SYNE2: variants seen among roughly 807,000 people sequenced by gnomAD.
SYNE2 encodes nesprin-2.
A neutral mutation model predicts 856.3 loss-of-function variants in SYNE2; 431 were observed. That is an observed-to-expected ratio of 0.50 (90% confidence interval 0.47 to 0.55). The LOEUF (loss-of-function observed/expected upper bound fraction) is 0.55, where lower values mean the gene tolerates loss of function less well. Ranked by LOEUF, SYNE2 falls within the 20% of genes least tolerant of loss-of-function variation. SYNE2 has a pLI of 0.00. For synonymous variants in SYNE2, 2,923 were observed against 2,872.3 expected, an observed-to-expected ratio of 1.02 and a Z score of -0.56; for missense variants, 8,129 against 8,023.2, an observed-to-expected ratio of 1.01 and a Z score of -0.50.
intron 94 of SYNE2, among the ~76,000 whole-genome samples, chr14:64,171,829 G>A (rs762169965): frequency 6.6e-6 from 1 of 152,172 alleles, no homozygotes; most frequent in Non-Finnish European, 1.5e-5. Flanking sequence ...AGCTGAGGGA[G>A]AGGGCAGCAT....
intron 34 of SYNE2, among the ~76,000 whole-genome samples, chr14:64,018,522 G>A (rs569023859): frequency 1.3e-5 from 2 of 152,286 alleles, no homozygotes; most frequent in Non-Finnish European, 2.9e-5. Flanking sequence ...GATTACAGGC[G>A]TGAGCCATCA....
In SYNE2 at chr14:64,002,943, T is replaced by C. The variant is rs752199065; in HGVS notation, c.4010T>C (p.Leu1337Pro). 2.5e-6 allele frequency: 4 copies of C among 1,614,146 alleles called. No homozygotes were observed. The highest frequency in any genetic ancestry group is 3.4e-6 in the Non-Finnish European group (4 of 1,180,024). Reference sequence around the variant, plus strand: ...TTGGCGTCTCTCAGAACAGCTAAACTCTCTGCTGAGCCCGTTACAGACCTT... The same window carrying C: ...TTGGCGTCTCTCAGAACAGCTAAACCCTCTGCTGAGCCCGTTACAGACCTT... ...DFLASLRTAK[L>P]SAEPVTDLSA... is the part of the protein sequence containing the mutation. Residue 1337 changes from leucine (L) to proline (P), a missense_variant, in exon 30 of 116, where the codon CTC becomes CCC. This residue lies in a region of SYNE2 where 2,422 missense variants were observed against 2,357.4 expected (regional missense o/e 1.03). Coordinates refer to ENST00000555002, the MANE Select transcript of SYNE2 (RefSeq NM_182914.3).
chr14:64,102,673 C>T (rs777214582), intron 64 of SYNE2, among the ~76,000 whole-genome samples: 4 of 151,718 alleles, frequency 2.6e-5, no homozygotes, highest in African/African-American at 9.7e-5. Context: ...AAAATCTAGT[C>T]GCTTAGCAAC....
At position 64,212,121 on chromosome 14, in the gene SYNE2, C is replaced by A. The variant is rs749016712; in HGVS notation, c.18861+23C>A. The A allele has an allele frequency of 1.1e-5, 17 of 1,613,616 alleles. No individual in the cohort carries two copies. The South Asian group carries it at 1.6e-4, about 16-fold the overall frequency. ...AATGTGAGGGCTGCTGCTTCCCTAG[C>A]TCTTCTCAAAAGAACACACCTTTGC... On this transcript the variant is annotated intron_variant, in intron 104 of 115. Transcript: ENST00000555002.
rs1450178712 is a variant in SYNE2 at position 63,982,727 on chromosome 14, C to T, written c.1934C>T (p.Ser645Leu). The change falls in exon 17 of 116, where the codon TCA becomes TTA. Residue 645 changes from serine to leucine, a missense_variant. Physicochemically the swap from Ser to Leu is moderately radical, Grantham distance 145. Around this residue, in one of 3 missense-constraint regions of SYNE2, gnomAD observed 2,422 missense variants for 2,357.4 expected, o/e 1.03. Coordinates refer to ENST00000555002, the MANE Select transcript of SYNE2 (RefSeq NM_182914.3). Reference protein sequence around the residue: ...LVEVSNDVVGSSISKELRRLN... With the variant: ...LVEVSNDVVGLSISKELRRLN... ...GAAGTCAGCAATGATGTGGTTGGAT[C>T]ATCTATTTCTAAAGAACTGAGAAGG... 2 of 1,613,982 alleles carry T rather than the reference C, an allele frequency of 1.2e-6. No homozygotes were observed. Among genetic ancestry groups the T allele is most frequent in the Non-Finnish European group, 8.5e-7 (1 of 1,179,952 alleles).
chr14:63,770,502 A>G (rs758065444), intron 1 of SYNE2, among the ~76,000 whole-genome samples: 2 of 152,196 alleles, frequency 1.3e-5, no homozygotes, highest in African/African-American at 4.8e-5. Context: ...AAATATTCAA[A>G]TAAGTATAAA....
intron 16 of SYNE2, among the ~76,000 whole-genome samples, chr14:63,982,301 T>A (rs2096591435): frequency 6.6e-6 from 1 of 152,038 alleles, no homozygotes; most frequent in South Asian, 2.1e-4. Context: ...ATAAGATGCA[T>A]CATAAAAGTT....
chr14:64,061,451 A>G (rs1331621492), intron 49 of SYNE2, among the ~76,000 whole-genome samples: 2 of 152,184 alleles, frequency 1.3e-5, no homozygotes, highest in Non-Finnish European at 2.9e-5. Flanking sequence ...TTTAATGCCA[A>G]ATGATTTTGC....
intron 114 of SYNE2, 153 bp from the exon 115 acceptor site, chr14:64,224,846 G>A (rs562410512): frequency 7.7e-6 from 6 of 779,314 alleles, no homozygotes; most frequent in East Asian, 2.7e-5. Context: ...TTCAGGTGAC[G>A]TTTAATCTCA....
intron 106 of SYNE2, among the ~76,000 whole-genome samples, chr14:64,214,995 C>T (rs2098659154): frequency 6.6e-6 from 1 of 152,174 alleles, no homozygotes; most frequent in South Asian, 2.1e-4. Context: ...CCGCCTCAGC[C>T]TCCCAAAGTA....
At chr14:63,914,325 A>G (rs1345955583) in intron 2 of SYNE2, among the ~76,000 whole-genome samples, 2 of 152,204 alleles carry the variant, frequency 1.3e-5, no homozygotes, top group Non-Finnish European at 2.9e-5. Context: ...TTGAGACCAA[A>G]GTAGGAATCC....
chr14:63,872,935 T>C (rs573423099), intron 1 of SYNE2, among the ~76,000 whole-genome samples: 4 of 152,190 alleles, frequency 2.6e-5, no homozygotes, highest in Non-Finnish European at 4.4e-5. Flanking sequence ...TGTATTAGTA[T>C]GTCTCAGTTT....
In SYNE2 at chr14:63,872,745, G is replaced by C. The variant is rs757947060; in HGVS notation, c.-52+19602G>C. On this transcript the variant is annotated intron_variant, in intron 1 of 115. Coordinates refer to ENST00000555002, the MANE Select transcript of SYNE2 (RefSeq NM_182914.3). Reference sequence around the variant, plus strand: ...CCACTGTACTCCAGCCTGGGCAACAGAGTGAGACTCTGCCTCAAAAAAAAA... The same window carrying C: ...CCACTGTACTCCAGCCTGGGCAACACAGTGAGACTCTGCCTCAAAAAAAAA... Among the ~76,000 whole-genome samples the C allele has an allele frequency of 6.9e-5, 9 of 131,344 alleles. No individual in the cohort carries two copies. The South Asian group carries it at 7.8e-4, about 11-fold the overall frequency. 86.2% of individuals were successfully genotyped at this position (131,344 alleles called of 152,430 possible).
intron 105 of SYNE2, among the ~76,000 whole-genome samples, 179 bp downstream of exon 105, chr14:64,213,184 T>C (rs566600817): frequency 7.9e-5 from 12 of 152,366 alleles, no homozygotes; most frequent in African/African-American, 2.4e-4. Context: ...AGAGCCACAG[T>C]AACTTACAAG....
At chr14:64,102,310 T>A (rs1377927085) in intron 64 of SYNE2, among the ~76,000 whole-genome samples, 1 of 152,126 alleles carries the variant, frequency 6.6e-6, no homozygotes. Flanking sequence ...AGAGACGGGG[T>A]TTCGCCATGT....
chr14:63,855,627 C>T (rs906175441), intron 1 of SYNE2, among the ~76,000 whole-genome samples: 1 of 152,190 alleles, frequency 6.6e-6, no homozygotes, highest in East Asian at 1.9e-4. Context: ...AGTGAGCCTT[C>T]ACTAACCTCC....
At chr14:63,964,333 A>G (rs2096361670) in intron 10 of SYNE2, among the ~76,000 whole-genome samples, 1 of 152,112 alleles carries the variant, frequency 6.6e-6, no homozygotes, top group Admixed American at 6.5e-5. Context: ...TTTGTAAATA[A>G]AATGTTGTTG....
chr14:64,049,962 T>A, intron 47 of SYNE2, 86 bp downstream of exon 47: 1 of 1,472,884 alleles, frequency 6.8e-7, no homozygotes, highest in Non-Finnish European at 9.3e-7. Context: ...TTTAAGAGTT[T>A]ATATTGTGAA....
At chr14:63,906,983 A>T (rs1216007739) in intron 1 of SYNE2, among the ~76,000 whole-genome samples, 1 of 152,154 alleles carries the variant, frequency 6.6e-6, no homozygotes, top group Non-Finnish European at 1.5e-5. Flanking sequence ...GACTAATCCC[A>T]TTAATGAGGA....
Sources: allele counts gnomAD v4.1 joint callset (sites outside exome capture counted in the v4.1 genomes callset), GRCh38; gene constraint gnomAD v4.1.1; regional missense constraint gnomAD v4.1.1; transcripts MANE v1.5; gene names NCBI Gene and HGNC (gene_info 2026-07-23, HGNC 2026-07-21).